The following TLN2 variants were observed in gnomAD, a reference collection of about 807,000 sequenced individuals.
TLN2 encodes talin 2.
Under a neutral mutation model 294.7 loss-of-function variants are expected in TLN2, and 118 were observed. That is an observed-to-expected ratio of 0.40 (90% CI 0.34 to 0.47). The LOEUF is 0.47. Ranked by LOEUF, TLN2 falls within the 20% of genes least tolerant of loss-of-function variation. TLN2 has a pLI of 0.84. For missense variants in TLN2, 3,083 were observed against 3,282.2 expected, an observed-to-expected ratio of 0.94 and a Z score of 1.48; for synonymous variants, 1,431 against 1,304.5, an observed-to-expected ratio of 1.10 and a Z score of -2.09.
rs569060435 is a variant in TLN2 at position 62,736,276 on chromosome 15, C to T, written c.3359-602C>T. Among the ~76,000 whole-genome samples the T allele has an allele frequency of 1.3e-3, 196 of 150,202 alleles. 1 individual carries two copies. The highest frequency in any genetic ancestry group is 4.4e-3 in the African/African-American group (181 of 40,700). On this transcript the variant is annotated intron_variant, in intron 28 of 58. Coordinates refer to ENST00000636159, the MANE Select transcript of TLN2 (RefSeq NM_015059.3). Reference sequence around the variant, plus strand: ...CAGAGCTTGCAGTGAGCCAAGATCGCGCCACTGCACTCCAGCCTGGGCGAC... The same window carrying T: ...CAGAGCTTGCAGTGAGCCAAGATCGTGCCACTGCACTCCAGCCTGGGCGAC...
At chr15:62,561,799 G>A (rs1488759401) in intron 1 of TLN2, among the ~76,000 whole-genome samples, 1 of 152,040 alleles carries the variant, frequency 6.6e-6, no homozygotes, top group Non-Finnish European at 1.5e-5. Context: ...AGCCACTGAG[G>A]AATTCTCCCT....
At chr15:62,674,810 G>C (rs2055963883) in intron 10 of TLN2, among the ~76,000 whole-genome samples, 1 of 152,168 alleles carries the variant, frequency 6.6e-6, no homozygotes, top group Non-Finnish European at 1.5e-5. Flanking sequence ...CCAATACATT[G>C]AGGATGGATG....
At chr15:62,576,731 A>AAT (rs909659869) in intron 1 of TLN2, among the ~76,000 whole-genome samples, 7 of 120,854 alleles carry the variant, frequency 5.8e-5, no homozygotes, top group East Asian at 2.8e-4. Context: ...TTGCTGTTTG[A>AAT]ATATATATAT....
intron 52 of TLN2, among the ~76,000 whole-genome samples, chr15:62,814,533 G>A (rs1023313929): frequency 5.3e-5 from 8 of 151,876 alleles, no homozygotes; most frequent in African/African-American, 1.9e-4. Context: ...GACAAGTGCT[G>A]ATGGCTCTGA....
intron 1 of TLN2, among the ~76,000 whole-genome samples, chr15:62,537,290 C>T (rs553780464): frequency 6.6e-6 from 1 of 152,190 alleles, no homozygotes. Flanking sequence ...GCTGGGATTA[C>T]AGGCATGAGC....
intron 9 of TLN2, among the ~76,000 whole-genome samples, chr15:62,670,874 C>A (rs1198351253): frequency 6.6e-6 from 1 of 152,188 alleles, no homozygotes; most frequent in African/African-American, 2.4e-5. Context: ...TTTTTTACAG[C>A]AGCTGTACCA....
At chr15:62,492,541 C>T (rs1358600279) in intron 1 of TLN2, among the ~76,000 whole-genome samples, 1 of 116,492 alleles carries the variant, frequency 8.6e-6, no homozygotes, top group African/African-American at 3.6e-5. Flanking sequence ...GAGACTCTGT[C>T]TCAAAAAAAA....
intron 37 of TLN2, among the ~76,000 whole-genome samples, chr15:62,757,669 G>T (rs548370036): frequency 6.6e-6 from 1 of 152,114 alleles, no homozygotes; most frequent in Non-Finnish European, 1.5e-5. Flanking sequence ...ATGAGCTCTC[G>T]TGATGGCCTA....
chr15:62,470,195 T>C (rs918775606), intron 1 of TLN2, among the ~76,000 whole-genome samples: 5 of 152,160 alleles, frequency 3.3e-5, no homozygotes, highest in African/African-American at 7.2e-5. Flanking sequence ...GGCTCACTTA[T>C]AGACACAGTC....
chr15:62,496,228 C>T (rs753472071), intron 1 of TLN2, among the ~76,000 whole-genome samples: 10 of 152,160 alleles, frequency 6.6e-5, no homozygotes, highest in Non-Finnish European at 1.3e-4. Context: ...CTGGTTCTTA[C>T]GTGTCTACGA....
chr15:62,712,176 T>C, intron 22 of TLN2, 99 bp downstream of exon 22: 1 of 1,445,784 alleles, frequency 6.9e-7, no homozygotes, highest in East Asian at 2.3e-5. Flanking sequence ...GAGTGTGCAT[T>C]TTTGTTTGCT....
chr15:62,541,177 T>A (rs1392354155), intron 1 of TLN2, among the ~76,000 whole-genome samples: 1 of 152,198 alleles, frequency 6.6e-6, no homozygotes, highest in Non-Finnish European at 1.5e-5. Flanking sequence ...GTATGAGGTT[T>A]CACTGAACTA....
chr15:62,451,481 C>T (rs1343920644), intron 1 of TLN2, among the ~76,000 whole-genome samples: 1 of 152,168 alleles, frequency 6.6e-6, no homozygotes, highest in Non-Finnish European at 1.5e-5. Flanking sequence ...ATGGGTGAAA[C>T]CCCGTCTCTA....
intron 1 of TLN2, among the ~76,000 whole-genome samples, chr15:62,487,814 A>G (rs992571529): frequency 9.2e-5 from 14 of 152,038 alleles, no homozygotes; most frequent in African/African-American, 3.4e-4. Flanking sequence ...GAGGCAGGAG[A>G]ATGGCATGAA....
intron 1 of TLN2, among the ~76,000 whole-genome samples, chr15:62,560,566 A>G (rs1252319976): frequency 6.6e-6 from 1 of 152,182 alleles, no homozygotes; most frequent in Admixed American, 6.5e-5. Flanking sequence ...ACCTCAAGTG[A>G]TCCGCGCGCC....
chr15:62,727,950 A>C lies in TLN2; in HGVS notation c.3358+761A>C, dbSNP rs186773827. Among the ~76,000 whole-genome samples the C allele has an allele frequency of 2.2e-3, 331 of 152,268 alleles. 2 individuals are homozygous for C. Among genetic ancestry groups the C allele is most frequent in the African/African-American group, 5.8e-3 (243 of 41,546 alleles). Reference sequence around the variant, plus strand: ...CTTTTGTTATACAGTAACACGCTTGACTTCTTTTTGAAATATGCATTATTA... The same window carrying C: ...CTTTTGTTATACAGTAACACGCTTGCCTTCTTTTTGAAATATGCATTATTA... On this transcript the variant is annotated intron_variant, in intron 28 of 58. Coordinates refer to ENST00000636159, the MANE Select transcript of TLN2 (RefSeq NM_015059.3).
chr15:62,739,907 A>T (rs2061227478), intron 31 of TLN2, among the ~76,000 whole-genome samples: 1 of 152,160 alleles, frequency 6.6e-6, no homozygotes, highest in African/African-American at 2.4e-5. Context: ...TTGAGGTTTA[A>T]TGGACCATTC....
chr15:62,817,217 T>C (rs1169140993), intron 52 of TLN2, among the ~76,000 whole-genome samples: 1 of 152,212 alleles, frequency 6.6e-6, no homozygotes, highest in African/African-American at 2.4e-5. Context: ...CCCTTCCTTC[T>C]ATTTCTCCAT....
intron 51 of TLN2, among the ~76,000 whole-genome samples, chr15:62,806,259 C>T (rs2066274903): frequency 6.6e-6 from 1 of 152,160 alleles, no homozygotes; most frequent in South Asian, 2.1e-4. Flanking sequence ...CTCTCTAAGG[C>T]AGTTTTGTGT....
Sources: allele counts gnomAD v4.1 joint callset (sites outside exome capture counted in the v4.1 genomes callset), GRCh38; gene constraint gnomAD v4.1.1; transcripts MANE v1.5; gene names NCBI Gene and HGNC (gene_info 2026-07-23, HGNC 2026-07-21).